PROSER1: variants seen among roughly 807,000 people sequenced by gnomAD.
PROSER1 encodes the protein proline and serine-rich protein 1.
A neutral mutation model predicts 71.8 loss-of-function variants in PROSER1; 36 were observed. That is an observed-to-expected ratio of 0.50 (90% CI 0.38 to 0.66). The LOEUF is 0.66. Among genes scored for constraint, PROSER1 ranks in the 30% least tolerant of loss-of-function variants. The pLI is 0.00. For missense variants in PROSER1, 1,107 were observed against 1,135.0 expected (o/e 0.98, Z 0.35); for synonymous variants, 490 against 452.4 (o/e 1.08, Z -1.06).
intron 11 of PROSER1, 112 bp downstream of exon 11, chr13:39,012,578 AC>A (rs1869716417): frequency 1.1e-6 from 1 of 907,722 alleles, no homozygotes; most frequent in Non-Finnish European, 1.7e-6. Context: ...TAAAGTTTTC[AC>A]CCAGAAAAAC....
chr13:39,028,528 A>T (rs556121977), intron 4 of PROSER1, among the ~76,000 whole-genome samples: 2 of 152,178 alleles, frequency 1.3e-5, no homozygotes, highest in Non-Finnish European at 2.9e-5. Flanking sequence ...CTGAAAAGTA[A>T]AACAGTAATA....
rs760942504 is a variant in PROSER1, at chr13:39,013,627, G to A, written c.1625C>T (p.Pro542Leu). 19 of 1,614,012 alleles carry A rather than the reference G, an allele frequency of 1.2e-5. No homozygotes were observed. In the Admixed American group the frequency reaches 2.2e-4, roughly 18 times the overall value. Residue 542 changes from proline to leucine, a missense_variant, in exon 11 of 13, where the codon CCG becomes CTG. Transcript: ENST00000352251. ...GGAAGTTGAGTTAGCCACGGGAGAC[G>A]GCAGGCCTGGGAACAGGGCCAACCC... ...TPGLALFPGL[P>L]SPVANSTSTP...
At chr13:39,022,502 T>G in intron 8 of PROSER1, 90 bp from the exon 9 acceptor site, 1 of 812,078 alleles carries the variant, frequency 1.2e-6, no homozygotes, top group South Asian at 1.5e-5. Context: ...ACTATATTAA[T>G]GCAGCTATTC....
rs376125397 is a variant in PROSER1, at chr13:39,037,288, A to G, written c.-46T>C. ...GGTTTTAACAGTTATACTTGCAATT[A>G]AAAGACGTTCATCCCTGGTCTGCTC... On this transcript the variant is annotated 5_prime_UTR_variant, in exon 1 of 13. An upstream open reading frame in the 5' UTR loses its in-frame stop. Coordinates refer to ENST00000352251, the MANE Select transcript of PROSER1 (RefSeq NM_025138.5). The G allele has an allele frequency of 2.0e-5, 28 of 1,405,152 alleles. No homozygotes were observed. Among genetic ancestry groups the G allele is most frequent in the Non-Finnish European group, 2.6e-5 (26 of 989,800 alleles). The allele number at this position is 1,405,152 out of a possible 1,614,324, so 87.0% of individuals were successfully genotyped here.
rs961386793 is a variant in PROSER1 at position 39,031,212 on chromosome 13, G to A, written c.180+351C>T. Among the ~76,000 whole-genome samples the A allele has an allele frequency of 7.2e-5, 11 of 152,094 alleles. 1 individual carries two copies. Among genetic ancestry groups the A allele is most frequent in the South Asian group, 2.1e-4 (1 of 4,818 alleles). On this transcript the variant is annotated intron_variant, in intron 3 of 12. Coordinates refer to ENST00000352251, the MANE Select transcript of PROSER1 (RefSeq NM_025138.5). Reference sequence around the variant, plus strand: ...TGCTGATATAAAAATTTCCATCATCGCTGAAAATTTATTTGGACAGTAATA... The same window carrying A: ...TGCTGATATAAAAATTTCCATCATCACTGAAAATTTATTTGGACAGTAATA...
intron 1 of PROSER1, among the ~76,000 whole-genome samples, chr13:39,035,626 C>A (rs913049613): frequency 4.6e-5 from 7 of 152,118 alleles, no homozygotes; most frequent in Admixed American, 4.6e-4. Flanking sequence ...CTTTTTCCCC[C>A]TTTCTACTCC....
rs146605654 is a variant in PROSER1 at position 39,013,970 on chromosome 13, C to T, written c.1282G>A (p.Val428Ile). Residue 428 changes from valine (V) to isoleucine (I), a missense_variant, in exon 11 of 13, where the codon GTT becomes ATT. Coordinates refer to ENST00000352251, the MANE Select transcript of PROSER1 (RefSeq NM_025138.5). ...AAGGGCAAAGGGAGCCCTGCAAAAA[C>T]TGATGACAATGAAGCAGAATTTGGG... The part of the protein sequence containing the change: ...SNPNSASLSS[V>I]FAGLPLPLPP... 6.2e-7 allele frequency: 1 copy of T among 1,614,036 alleles called. No individual in the cohort carries two copies.
At chr13:39,019,233 G>A (rs1335441657) in intron 9 of PROSER1, among the ~76,000 whole-genome samples, 1 of 151,824 alleles carries the variant, frequency 6.6e-6, no homozygotes, top group Non-Finnish European at 1.5e-5. Flanking sequence ...CGGGCGCAGT[G>A]GCTCACACCT....
At chr13:39,025,471 C>A (rs1870503680) in intron 6 of PROSER1, among the ~76,000 whole-genome samples, 1 of 152,144 alleles carries the variant, frequency 6.6e-6, no homozygotes, top group South Asian at 2.1e-4. Flanking sequence ...GACTTCCAGG[C>A]AGCTTCCACT....
At position 39,013,128 on chromosome 13, in the gene PROSER1, A is replaced by C. The variant is rs1482292819; in HGVS notation, c.2124T>G (p.Pro708=). Reference sequence around the variant, plus strand: ...GATTAAGAGATGGGTTGCCAGTTAAAGGAAAATTGTTGGTCAAAGAAGTAA... The same window carrying C: ...GATTAAGAGATGGGTTGCCAGTTAACGGAAAATTGTTGGTCAAAGAAGTAA... The part of the protein sequence containing the change: ...PSFTSLTNNF[P]LTGNPSLNPS... The change falls in exon 11 of 13, where the codon CCT becomes CCG. Residue 708 remains proline, a synonymous_variant. Transcript: ENST00000352251. 6.2e-7 allele frequency: 1 copy of C among 1,614,210 alleles called. No homozygotes were observed. The highest frequency in any genetic ancestry group is 2.2e-5 in the East Asian group (1 of 44,872).
At chr13:39,021,544 CT>C in intron 9 of PROSER1, among the ~76,000 whole-genome samples, 1 of 152,208 alleles carries the variant, frequency 6.6e-6, no homozygotes, top group East Asian at 1.9e-4. Context: ...CAGGCACCCC[CT>C]ATCACAATAC....
At chr13:39,032,441 T>C (rs1359248839) in intron 2 of PROSER1, among the ~76,000 whole-genome samples, 1 of 152,120 alleles carries the variant, frequency 6.6e-6, no homozygotes, top group Non-Finnish European at 1.5e-5. Context: ...ACCACCCTGT[T>C]TGACTGCCTC....
intron 7 of PROSER1, 109 bp from the exon 8 acceptor site, chr13:39,023,239 T>A: frequency 1.3e-6 from 1 of 780,496 alleles, no homozygotes; most frequent in Non-Finnish European, 2.2e-6. Context: ...TGTCCCCGCA[T>A]ATCATACTAC....
rs1238798827 is a variant in PROSER1, at chr13:39,032,576, A to T, written c.112-945T>A. Among the ~76,000 whole-genome samples, 45 of 152,352 alleles carry T rather than the reference A, an allele frequency of 3.0e-4. 1 individual carries two copies. Among genetic ancestry groups the T allele is most frequent in the Admixed American group, 2.9e-3 (45 of 15,306 alleles). ...ACTGGAGTGGTATGTAAAGAGAGTA[A>T]AAATAATTTTTACTCCTTATAAAGA... is the stretch of plus-strand genomic sequence containing the variant. On this transcript the variant is annotated intron_variant, in intron 2 of 12. Coordinates refer to ENST00000352251, the MANE Select transcript of PROSER1 (RefSeq NM_025138.5).
intron 9 of PROSER1, among the ~76,000 whole-genome samples, chr13:39,021,838 A>G (rs1290995272): frequency 6.6e-6 from 1 of 152,212 alleles, no homozygotes; most frequent in African/African-American, 2.4e-5. Flanking sequence ...CCCTAACCCT[A>G]TCACAGCACT....
intron 4 of PROSER1, 150 bp downstream of exon 4, chr13:39,029,131 G>A: frequency 1.9e-6 from 1 of 525,274 alleles, no homozygotes; most frequent in South Asian, 3.2e-5. Flanking sequence ...AAGTACACTA[G>A]ATACTTATTC....
chr13:39,032,616 G>C (rs1184686510), intron 2 of PROSER1, among the ~76,000 whole-genome samples: 2 of 152,002 alleles, frequency 1.3e-5, no homozygotes, highest in African/African-American at 4.8e-5. Flanking sequence ...TATATATATA[G>C]CAAATAAGTA....
chr13:39,016,532 A>G (rs17058983), intron 10 of PROSER1, among the ~76,000 whole-genome samples: 2,420 of 152,348 alleles, frequency 0.016, 59 homozygotes, highest in African/African-American at 0.056. Context: ...ACAACATAGG[A>G]AAACAATATG....
chr13:39,017,366 G>A (rs943499106), intron 10 of PROSER1, 134 bp downstream of exon 10: 6 of 654,436 alleles, frequency 9.2e-6, no homozygotes, highest in South Asian at 9.0e-5. Context: ...CTTTTAACAA[G>A]TATGAATTAT....
Sources: allele counts gnomAD v4.1 joint callset (sites outside exome capture counted in the v4.1 genomes callset), GRCh38; gene constraint gnomAD v4.1.1; transcripts MANE v1.5; gene names NCBI Gene and HGNC (gene_info 2026-07-23, HGNC 2026-07-21).